Variants in PELI2 observed in about 807,000 individuals in gnomAD.
The protein encoded by PELI2 is pellino E3 ubiquitin protein ligase family member 2.
In PELI2, 23 loss-of-function variants were observed where a neutral mutation model predicts 42.3. That is an observed-to-expected ratio of 0.54 (90% CI 0.39 to 0.77). The LOEUF (loss-of-function observed/expected upper bound fraction) is 0.77. Ranked by LOEUF, PELI2 falls within the 30% of genes least tolerant of loss-of-function variation. The pLI, the probability that PELI2 is intolerant of heterozygous loss-of-function variation, is 0.00. For missense variants in PELI2, 463 were observed against 553.2 expected, an observed-to-expected ratio of 0.84 and a Z score of 1.64; for synonymous variants, 245 against 212.2, an observed-to-expected ratio of 1.15 and a Z score of -1.34.
chr14:56,123,488 T>C (rs2139574489), intron 1 of PELI2, among the ~76,000 whole-genome samples: 1 of 152,330 alleles, frequency 6.6e-6, no homozygotes, highest in Admixed American at 6.5e-5. Flanking sequence ...TCTAATTCTG[T>C]GGGCTATTAA....
At chr14:56,227,846 C>T (rs897461432) in intron 2 of PELI2, among the ~76,000 whole-genome samples, 8 of 152,138 alleles carry the variant, frequency 5.3e-5, no homozygotes, top group Non-Finnish European at 8.8e-5. Context: ...TTACAGAGGG[C>T]TTTCAGAAGG....
At chr14:56,281,887 C>T (rs146592897) in intron 3 of PELI2, among the ~76,000 whole-genome samples, 11 of 152,172 alleles carry the variant, frequency 7.2e-5, no homozygotes, top group South Asian at 2.1e-4. Flanking sequence ...GTCAGATTGG[C>T]AGAAATCCAA....
chr14:56,178,270 C>G, intron 1 of PELI2, 65 bp from the exon 2 acceptor site: 1 of 1,562,690 alleles, frequency 6.4e-7, no homozygotes, highest in Non-Finnish European at 8.8e-7. Flanking sequence ...TTCAATACCT[C>G]TAACTTTTAT....
chr14:56,263,101 C>T (rs1000834956), intron 2 of PELI2, among the ~76,000 whole-genome samples: 18 of 152,042 alleles, frequency 1.2e-4, no homozygotes, highest in Admixed American at 2.6e-4. Flanking sequence ...GGATTACGGG[C>T]GCCTGCCACC....
intron 3 of PELI2, among the ~76,000 whole-genome samples, chr14:56,283,168 T>C (rs1889535658): frequency 6.6e-6 from 1 of 152,222 alleles, no homozygotes; most frequent in South Asian, 2.1e-4. Context: ...ACAGTCACAT[T>C]CGACTCACAT....
At chr14:56,163,337 T>C (rs1157435689) in intron 1 of PELI2, among the ~76,000 whole-genome samples, 1 of 152,062 alleles carries the variant, frequency 6.6e-6, no homozygotes, top group Non-Finnish European at 1.5e-5. Context: ...AGAGACTTTT[T>C]CCCAGCGTAT....
chr14:56,167,702 C>A (rs560662891), intron 1 of PELI2, among the ~76,000 whole-genome samples: 1 of 152,154 alleles, frequency 6.6e-6, no homozygotes, highest in African/African-American at 2.4e-5. Flanking sequence ...TTGGTGAGGT[C>A]ATGTTTTCCT....
At chr14:56,140,442 A>C (rs540073458) in intron 1 of PELI2, among the ~76,000 whole-genome samples, 2 of 152,352 alleles carry the variant, frequency 1.3e-5, no homozygotes, top group South Asian at 4.1e-4. Context: ...TGTCTCCTTA[A>C]GTTCTATTTT....
chr14:56,161,965 T>G (rs1232583696), intron 1 of PELI2, among the ~76,000 whole-genome samples: 5 of 152,168 alleles, frequency 3.3e-5, no homozygotes, highest in Non-Finnish European at 7.3e-5. Flanking sequence ...TATGCAACAT[T>G]TCTTTTTTTT....
Position 56,182,416 on chromosome 14 carries a change from G to A in PELI2, c.207+3952G>A, listed in dbSNP as rs1196530319. 2.0e-5 allele frequency among the ~76,000 whole-genome samples: 3 copies of A among 152,182 alleles called. No homozygotes were observed. The East Asian group carries it at 5.8e-4, about 29-fold the overall frequency. On this transcript the variant is annotated intron_variant, in intron 2 of 5. Coordinates refer to ENST00000267460, the MANE Select transcript of PELI2 (RefSeq NM_021255.3). ...TACTTAACCAGTAAATAGTATGATG[G>A]TGGTGGTGGTGACGGTGTGGATACT...
At chr14:56,228,960 C>A (rs576920901) in intron 2 of PELI2, among the ~76,000 whole-genome samples, 233 of 152,370 alleles carry the variant, frequency 1.5e-3, no homozygotes, top group African/African-American at 5.3e-3. Context: ...TATCCCACAC[C>A]TGGCTTGGGG....
chr14:56,190,890 A>G (rs1324174869), intron 2 of PELI2, among the ~76,000 whole-genome samples: 2 of 152,226 alleles, frequency 1.3e-5, no homozygotes, highest in East Asian at 1.9e-4. Context: ...ACTTGCAGCA[A>G]TTTGAATTGT....
chr14:56,245,840 ATGT>A (rs988366045), intron 2 of PELI2, among the ~76,000 whole-genome samples: 1 of 152,210 alleles, frequency 6.6e-6, no homozygotes, highest in African/African-American at 2.4e-5. Context: ...ATTGTTTTAG[ATGT>A]TGTAAGTAAT....
chr14:56,120,687 G>C (rs1245453628), intron 1 of PELI2, among the ~76,000 whole-genome samples: 1 of 152,188 alleles, frequency 6.6e-6, no homozygotes, highest in African/African-American at 2.4e-5. Flanking sequence ...TTAGAGTGGA[G>C]TGACAGGCAT....
chr14:56,172,672 G>T (rs573892512), intron 1 of PELI2, among the ~76,000 whole-genome samples: 2 of 152,300 alleles, frequency 1.3e-5, no homozygotes, highest in South Asian at 4.1e-4. Context: ...CAGAATAATG[G>T]GTGTGGGTAC....
At chr14:56,190,326 C>T (rs911338024) in intron 2 of PELI2, among the ~76,000 whole-genome samples, 8 of 152,130 alleles carry the variant, frequency 5.3e-5, no homozygotes, top group Non-Finnish European at 1.2e-4. Context: ...AAATTTGGTT[C>T]TCTTAAAATG....
intron 1 of PELI2, among the ~76,000 whole-genome samples, chr14:56,123,074 A>C (rs1326126330): frequency 2.6e-5 from 4 of 152,222 alleles, no homozygotes; most frequent in Admixed American, 2.0e-4. Context: ...GAAATTGATA[A>C]GCTCTACAAA....
chr14:56,266,208 T>C (rs1888896986), intron 2 of PELI2, among the ~76,000 whole-genome samples: 1 of 152,030 alleles, frequency 6.6e-6, no homozygotes, highest in South Asian at 2.1e-4. Flanking sequence ...TGAGGAAAGC[T>C]TTTCTAACTA....
chr14:56,178,920 T>C (rs1208345587), intron 2 of PELI2, among the ~76,000 whole-genome samples: 1 of 152,226 alleles, frequency 6.6e-6, no homozygotes, highest in Non-Finnish European at 1.5e-5. Context: ...CTTCTGTTAA[T>C]TGAGTGTAGT....
Sources: gnomAD v4.1 joint callset for allele counts (sites outside exome capture counted in the v4.1 genomes callset) on GRCh38, gnomAD v4.1.1 for gene constraint, MANE v1.5 for transcripts, NCBI Gene and HGNC (gene_info 2026-07-23, HGNC 2026-07-21) for gene names.